Variants in FRMPD4 observed in about 807,000 individuals in gnomAD.
The protein encoded by FRMPD4 is FERM and PDZ domain containing 4.
Under a neutral mutation model 94.1 loss-of-function variants are expected in FRMPD4, and 22 were observed. The ratio of observed to expected loss-of-function variants is 0.23; its 90% confidence interval spans 0.17 to 0.33. The LOEUF is 0.33. FRMPD4 is among the 10% of genes least tolerant of loss of function. FRMPD4 has a pLI of 1.00. For missense variants in FRMPD4, 1,111 were observed against 1,339.9 expected (o/e 0.83, Z 2.67); for synonymous variants, 631 against 548.6 (o/e 1.15, Z -2.10).
chrX:11,844,829 G>A, intron 1 of FRMPD4, among the ~76,000 whole-genome samples: 1 of 111,578 alleles, frequency 9.0e-6, no homozygotes, highest in Non-Finnish European at 1.9e-5. Flanking sequence ...ATTCTGTTAT[G>A]CACATATTTT....
chrX:12,350,985 C>CTAA (rs2055798077), intron 1 of FRMPD4, among the ~76,000 whole-genome samples: 3 of 111,545 alleles, frequency 2.7e-5, no homozygotes, highest in African/African-American at 9.8e-5. Context: ...ACCATCCTGG[C>CTAA]CAACATGGTG....
At chrX:11,941,727 G>A (rs745891054) in intron 3 of FRMPD4, among the ~76,000 whole-genome samples, 24 of 112,306 alleles carry the variant, frequency 2.1e-4, no homozygotes, top group Non-Finnish European at 1.3e-4. Context: ...AAAAGACTTA[G>A]GCAAGGGAGA....
intron 2 of FRMPD4, among the ~76,000 whole-genome samples, chrX:11,870,510 C>T (rs758813365): frequency 9.0e-6 from 1 of 111,524 alleles, no homozygotes; most frequent in Admixed American, 9.5e-5. Context: ...ATGCAAGAGG[C>T]CTGATTCATA....
At chrX:11,845,142 G>A (rs1000315335) in intron 1 of FRMPD4, among the ~76,000 whole-genome samples, 1 of 112,024 alleles carries the variant, frequency 8.9e-6, no homozygotes, top group African/African-American at 3.2e-5. Flanking sequence ...ATTCATAATA[G>A]CTGCCTTAAA....
At chrX:12,463,681 G>GTGTGTTTTTTT (rs1555969426) in intron 1 of FRMPD4, among the ~76,000 whole-genome samples, 1 of 51,046 alleles carries the variant, frequency 2.0e-5, no homozygotes, top group African/African-American at 8.6e-5. Context: ...CTATGTGTGT[G>GTGTGTTTTTTT]TTTTTTTTTT....
chrX:12,404,454 G>A (rs1324640034), intron 1 of FRMPD4, among the ~76,000 whole-genome samples: 1 of 112,199 alleles, frequency 8.9e-6, no homozygotes, highest in African/African-American at 3.2e-5. Flanking sequence ...TCAACTTCTA[G>A]ATTTGTCTAA....
At chrX:12,123,321 A>G (rs2055473020) in intron 3 of FRMPD4, among the ~76,000 whole-genome samples, 1 of 109,958 alleles carries the variant, frequency 9.1e-6, no homozygotes. Flanking sequence ...TATTTTTAGT[A>G]GAGACAGGGT....
chrX:12,647,389 C>T (rs1318914348), intron 4 of FRMPD4, among the ~76,000 whole-genome samples: 1 of 111,971 alleles, frequency 8.9e-6, no homozygotes, highest in African/African-American at 3.2e-5. Flanking sequence ...GTGTAGAAAA[C>T]ATGCCTTGGA....
intron 4 of FRMPD4, among the ~76,000 whole-genome samples, chrX:12,636,231 G>T (rs1602242084): frequency 8.9e-6 from 1 of 111,837 alleles, no homozygotes; most frequent in African/African-American, 3.2e-5. Flanking sequence ...GATATTAAAA[G>T]ACTCTTTTAA....
chrX:12,121,161 C>T (rs2055450881), intron 3 of FRMPD4, among the ~76,000 whole-genome samples: 1 of 108,849 alleles, frequency 9.2e-6, no homozygotes, highest in Non-Finnish European at 1.9e-5. Context: ...TTTTCAATCT[C>T]ATTATCTCAT....
At chrX:12,246,965 A>C (rs1013109387) in intron 1 of FRMPD4, among the ~76,000 whole-genome samples, 1 of 112,073 alleles carries the variant, frequency 8.9e-6, no homozygotes, top group Non-Finnish European at 1.9e-5. Flanking sequence ...CTAGGATAAG[A>C]TATTTTGGTC....
At chrX:12,043,536 G>A (rs761581647) in intron 3 of FRMPD4, among the ~76,000 whole-genome samples, 1 of 111,464 alleles carries the variant, frequency 9.0e-6, no homozygotes, top group East Asian at 2.8e-4. Context: ...ATCAGAGCTA[G>A]AAGAGACCTT....
intron 1 of FRMPD4, among the ~76,000 whole-genome samples, chrX:12,294,586 T>A (rs746569967): frequency 9.0e-6 from 1 of 110,693 alleles, no homozygotes; most frequent in Admixed American, 9.6e-5. Context: ...CCACATATGA[T>A]GTATGTATGT....
Position 12,591,538 on chromosome X carries a change from T to C in FRMPD4, c.159-18183T>C, listed in dbSNP as rs778229148. ...GCCAAATCTGGCCCTCTGCCTGTTT[T>C]TATAAATAAAGTTTTATGAGAACAT... On this transcript the variant is annotated intron_variant, in intron 2 of 16. Coordinates refer to ENST00000675598, the MANE Select transcript of FRMPD4 (RefSeq NM_001368397.1). 7.1e-5 allele frequency among the ~76,000 whole-genome samples: 8 copies of C among 112,145 alleles called. No homozygotes were observed. In the East Asian group the frequency reaches 2.2e-3, roughly 31 times the overall value.
At chrX:12,029,474 A>T in intron 3 of FRMPD4, among the ~76,000 whole-genome samples, 1 of 111,892 alleles carries the variant, frequency 8.9e-6, no homozygotes, top group Middle Eastern at 4.6e-3. Context: ...ATTTTAATGA[A>T]GTCCAGCTTA....
intron 3 of FRMPD4, among the ~76,000 whole-genome samples, chrX:11,942,546 A>G (rs1441580194): frequency 1.1e-4 from 12 of 111,946 alleles, no homozygotes; most frequent in Non-Finnish European, 2.1e-4. Context: ...TGGAAATGAG[A>G]AAGTGGAAGT....
chrX:12,081,170 A>G (rs989364799), intron 3 of FRMPD4, among the ~76,000 whole-genome samples: 2 of 112,041 alleles, frequency 1.8e-5, no homozygotes, highest in African/African-American at 6.5e-5. Flanking sequence ...ACAGAGAATG[A>G]TAATAAGCGT....
intron 3 of FRMPD4, among the ~76,000 whole-genome samples, chrX:12,074,248 C>T: frequency 9.0e-6 from 1 of 111,612 alleles, no homozygotes; most frequent in East Asian, 2.8e-4. Context: ...AAAAGATCAC[C>T]ACTACTGCTA....
chrX:11,968,660 A>C (rs760304410), intron 3 of FRMPD4, among the ~76,000 whole-genome samples: 8 of 110,866 alleles, frequency 7.2e-5, no homozygotes, highest in Non-Finnish European at 1.3e-4. Flanking sequence ...TAAGGAATGA[A>C]TCTCTCGGTT....
Sources: allele counts gnomAD v4.1 joint callset (sites outside exome capture counted in the v4.1 genomes callset), GRCh38; gene constraint gnomAD v4.1.1; transcripts MANE v1.5; gene names NCBI Gene and HGNC (gene_info 2026-07-23, HGNC 2026-07-21).